The following GPC6 variants were observed in gnomAD, a reference collection of about 807,000 sequenced individuals.
The protein encoded by GPC6 is glypican-6.
Under a neutral mutation model 55.2 loss-of-function variants are expected in GPC6, and 14 were observed. That is an observed-to-expected ratio of 0.25 (90% CI 0.17 to 0.40). The LOEUF (loss-of-function observed/expected upper bound fraction) is 0.40. Among genes scored for constraint, GPC6 ranks in the 10% least tolerant of loss-of-function variants. GPC6 has a pLI of 1.00. For synonymous variants in GPC6, 278 were observed against 259.6 expected (o/e 1.07, Z -0.68); for missense variants, 641 against 708.5 (o/e 0.90, Z 1.08).
chr13:93,631,988 T>C (rs1370401471), intron 2 of GPC6, among the ~76,000 whole-genome samples: 3 of 152,176 alleles, frequency 2.0e-5, no homozygotes, highest in Non-Finnish European at 2.9e-5. Context: ...ATGATTGTTG[T>C]TGAAGTGAAA....
intron 4 of GPC6, among the ~76,000 whole-genome samples, chr13:94,275,345 C>T (rs1892169853): frequency 6.6e-6 from 1 of 152,080 alleles, no homozygotes; most frequent in African/African-American, 2.4e-5. Flanking sequence ...TTTTCTGAGA[C>T]AGGGCATTTA....
chr13:93,785,625 G>T (rs1795010425), intron 2 of GPC6, among the ~76,000 whole-genome samples: 1 of 152,080 alleles, frequency 6.6e-6, no homozygotes. Context: ...ATTGTTTTCT[G>T]GTTTTAAACT....
In GPC6 at chr13:93,776,287, T is replaced by C. The variant is rs375202941; in HGVS notation, c.320-53867T>C. Among the ~76,000 whole-genome samples, 5 of 152,324 alleles carry C rather than the reference T, an allele frequency of 3.3e-5. No individual in the cohort carries two copies. The South Asian group carries it at 1.0e-3, about 32-fold the overall frequency. ...TTACATGTATTCAACCCTTACTATG[T>C]GCTGGCGCAGTTCTAAACACTTTAA... On this transcript the variant is annotated intron_variant, in intron 2 of 8. Coordinates refer to ENST00000377047, the MANE Select transcript of GPC6 (RefSeq NM_005708.5).
intron 4 of GPC6, among the ~76,000 whole-genome samples, chr13:94,065,168 C>T (rs772159101): frequency 1.3e-5 from 2 of 151,932 alleles, no homozygotes; most frequent in African/African-American, 2.4e-5. Context: ...ACTTGTAAAA[C>T]GCATGGCATA....
intron 4 of GPC6, among the ~76,000 whole-genome samples, chr13:94,247,181 T>C (rs538050345): frequency 4.7e-4 from 72 of 152,224 alleles, no homozygotes; most frequent in African/African-American, 1.7e-3. Context: ...ATGTCATAGA[T>C]TTTCATTTTT....
rs151024051 is a variant in GPC6, at chr13:94,276,791, A to G, written c.878-9558A>G. Reference sequence around the variant, plus strand: ...ATCTCATTCCTTTTTATGACTGCATAGTATTCCATGGTGTATATGTACCAC... The same window carrying G: ...ATCTCATTCCTTTTTATGACTGCATGGTATTCCATGGTGTATATGTACCAC... On this transcript the variant is annotated intron_variant, in intron 4 of 8. Coordinates refer to ENST00000377047, the MANE Select transcript of GPC6 (RefSeq NM_005708.5). 4.4e-3 allele frequency among the ~76,000 whole-genome samples: 669 copies of G among 152,320 alleles called. 5 individuals are homozygous for G. Among genetic ancestry groups the G allele is most frequent in the Non-Finnish European group, 6.6e-3 (446 of 68,034 alleles).
chr13:93,703,480 C>A (rs1470889905), intron 2 of GPC6, among the ~76,000 whole-genome samples: 1 of 151,898 alleles, frequency 6.6e-6, no homozygotes. Flanking sequence ...GCTTTCTTGA[C>A]AAAAGCTTGC....
intron 1 of GPC6, among the ~76,000 whole-genome samples, chr13:93,358,431 T>C (rs1483705174): frequency 6.6e-6 from 1 of 152,148 alleles, no homozygotes; most frequent in African/African-American, 2.4e-5. Context: ...ATTTTATCCT[T>C]ACAATACCAA....
At chr13:94,395,094 AAAAGAT>A (rs1352989792) in intron 7 of GPC6, among the ~76,000 whole-genome samples, 1 of 152,230 alleles carries the variant, frequency 6.6e-6, no homozygotes, top group Admixed American at 6.5e-5. Context: ...TGGTGTCAGC[AAAAGAT>A]GGGCTGCACC....
chr13:93,315,824 C>T (rs68078947), intron 1 of GPC6, among the ~76,000 whole-genome samples: 18,170 of 151,712 alleles, frequency 0.12, 1,292 homozygotes, highest in East Asian at 0.35. Flanking sequence ...GTCACTGCCC[C>T]ATCCCTTTAT....
intron 4 of GPC6, among the ~76,000 whole-genome samples, chr13:94,122,430 T>C (rs1886664992): frequency 6.6e-6 from 1 of 152,114 alleles, no homozygotes; most frequent in South Asian, 2.1e-4. Context: ...GTGTGTATTA[T>C]AAATAACTGT....
At chr13:93,337,840 G>A (rs1232206222) in intron 1 of GPC6, among the ~76,000 whole-genome samples, 1 of 152,128 alleles carries the variant, frequency 6.6e-6, no homozygotes, top group Non-Finnish European at 1.5e-5. Context: ...AGAACAGTTT[G>A]GAGCAGGAAG....
At chr13:94,184,063 A>G (rs896486950) in intron 4 of GPC6, among the ~76,000 whole-genome samples, 1 of 152,172 alleles carries the variant, frequency 6.6e-6, no homozygotes, top group Non-Finnish European at 1.5e-5. Flanking sequence ...GAAGAATGAA[A>G]CGGTTTCATT....
chr13:93,341,077 A>G (rs1278380475), intron 1 of GPC6, among the ~76,000 whole-genome samples: 1 of 152,186 alleles, frequency 6.6e-6, no homozygotes. Context: ...GCTGCAAAAT[A>G]CATTATTTCA....
intron 4 of GPC6, among the ~76,000 whole-genome samples, chr13:94,144,581 CAGAG>C (rs139887574): frequency 0.099 from 13,972 of 141,322 alleles, 784 homozygotes; most frequent in Middle Eastern, 0.18. Context: ...GTGTATAAGA[CAGAG>C]AGAGAGAGGG....
chr13:94,284,211 A>G (rs1460598716), intron 4 of GPC6, among the ~76,000 whole-genome samples: 1 of 152,146 alleles, frequency 6.6e-6, no homozygotes, highest in Non-Finnish European at 1.5e-5. Flanking sequence ...AAGAAGAGCC[A>G]CCATTCACTA....
intron 2 of GPC6, among the ~76,000 whole-genome samples, chr13:93,568,207 C>T (rs2139469813): frequency 6.6e-6 from 1 of 152,294 alleles, no homozygotes; most frequent in East Asian, 1.9e-4. Context: ...AAGTAATAGG[C>T]TGCCTACATT....
chr13:93,567,111 C>G (rs2139467881), intron 2 of GPC6, among the ~76,000 whole-genome samples: 1 of 152,274 alleles, frequency 6.6e-6, no homozygotes, highest in Admixed American at 6.5e-5. Context: ...AACGATATTT[C>G]TAGTTCTAGA....
chr13:93,721,859 A>G (rs1243716340), intron 2 of GPC6, among the ~76,000 whole-genome samples: 1 of 151,730 alleles, frequency 6.6e-6, no homozygotes, highest in Non-Finnish European at 1.5e-5. Flanking sequence ...TTTGCTACTT[A>G]TGCGATTTTT....
Sources: gnomAD v4.1 joint callset for allele counts (sites outside exome capture counted in the v4.1 genomes callset) on GRCh38, gnomAD v4.1.1 for gene constraint, MANE v1.5 for transcripts, NCBI Gene and HGNC (gene_info 2026-07-23, HGNC 2026-07-21) for gene names.